The following ASTN2 variants were observed in gnomAD, a reference collection of about 807,000 sequenced individuals.
The protein encoded by ASTN2 is astrotactin-2.
A neutral mutation model predicts 139.8 loss-of-function variants in ASTN2; 54 were observed. The ratio of observed to expected loss-of-function variants is 0.39; its 90% CI spans 0.31 to 0.48. The LOEUF (loss-of-function observed/expected upper bound fraction) is 0.48, where lower values mean the gene tolerates loss of function less well. ASTN2 is among the 20% of genes least tolerant of loss of function. The pLI is 0.95. For synonymous variants in ASTN2, 756 were observed against 719.5 expected (o/e 1.05, Z -0.81); for missense variants, 1,565 against 1,725.1 (o/e 0.91, Z 1.64).
At chr9:117,271,519 A>T (rs1587897446) in intron 2 of ASTN2, among the ~76,000 whole-genome samples, 1 of 152,164 alleles carries the variant, frequency 6.6e-6, no homozygotes, top group South Asian at 2.1e-4. Flanking sequence ...AAAGTCTTAA[A>T]TCATTTCAGC....
rs1831256661 is a variant in ASTN2, at chr9:117,414,183, C to G, written c.442+314G>C. Among the ~76,000 whole-genome samples the G allele has an allele frequency of 6.6e-6, 1 of 152,050 alleles. No individual in the cohort carries two copies. The highest frequency in any genetic ancestry group is 1.5e-5 in the Non-Finnish European group (1 of 68,004). On this transcript the variant is annotated intron_variant, in intron 1 of 22. Transcript: ENST00000313400. This position sits in a 1 kb window ranked among gnomAD's most constrained non-coding sequence, Gnocchi z 4.2. Reference sequence around the variant, plus strand: ...GATGCTCCGGCCCCTAGCCAGAGCACCTTCAGTGAATGGGGTCTCCGGCTT... The same window carrying G: ...GATGCTCCGGCCCCTAGCCAGAGCAGCTTCAGTGAATGGGGTCTCCGGCTT...
rs955098652 is a variant in ASTN2 at position 116,641,134 on chromosome 9, T to G, written c.3072+10394A>C. Among the ~76,000 whole-genome samples the G allele has an allele frequency of 9.9e-5, 15 of 152,274 alleles. No homozygotes were observed. In the South Asian group the frequency reaches 2.3e-3, roughly 23 times the overall value. On this transcript the variant is annotated intron_variant, in intron 17 of 22. Coordinates refer to ENST00000313400, the MANE Select transcript of ASTN2 (RefSeq NM_001365068.1). ...AAATGAGAAGTTACTGTACTTTTAT[T>G]TTATGGTAGGAGCCAATCCTAGAAT...
intron 12 of ASTN2, among the ~76,000 whole-genome samples, chr9:116,813,353 C>A (rs547992383): frequency 6.6e-6 from 1 of 152,288 alleles, no homozygotes; most frequent in African/African-American, 2.4e-5. Flanking sequence ...ATTTAATCCT[C>A]ATAGCAACAT....
At chr9:116,495,797 TAGGGTG>T (rs1456168395) in intron 19 of ASTN2, among the ~76,000 whole-genome samples, 1 of 152,146 alleles carries the variant, frequency 6.6e-6, no homozygotes, top group Non-Finnish European at 1.5e-5. Flanking sequence ...AAACGCTGCC[TAGGGTG>T]AGGGATACAA....
intron 5 of ASTN2, among the ~76,000 whole-genome samples, chr9:117,079,564 A>G (rs1828370692): frequency 6.6e-6 from 1 of 152,208 alleles, no homozygotes; most frequent in African/African-American, 2.4e-5. Context: ...ATGGACAGAG[A>G]AAAAGGTCAG....
At position 116,668,438 on chromosome 9, in the gene ASTN2, C is replaced by T. The variant is rs538080425; in HGVS notation, c.2807-16645G>A. Among the ~76,000 whole-genome samples, 3 of 152,296 alleles carry T rather than the reference C, an allele frequency of 2.0e-5. No individual in the cohort carries two copies. In the East Asian group the frequency reaches 5.8e-4, roughly 29 times the overall value. On this transcript the variant is annotated intron_variant, in intron 16 of 22. Coordinates refer to ENST00000313400, the MANE Select transcript of ASTN2 (RefSeq NM_001365068.1). Reference sequence around the variant, plus strand: ...AACTCCTGACCTCAGGTGATCCACCCGCCTCGGCCTCCCAAAATGCTGGGA... The same window carrying T: ...AACTCCTGACCTCAGGTGATCCACCTGCCTCGGCCTCCCAAAATGCTGGGA...
chr9:117,130,036 G>T (rs943629511), intron 4 of ASTN2, among the ~76,000 whole-genome samples: 1 of 152,122 alleles, frequency 6.6e-6, no homozygotes, highest in African/African-American at 2.4e-5. Flanking sequence ...GCCAGGCATG[G>T]TGGCACACGC....
intron 16 of ASTN2, chr9:116,686,884 C>T (rs1356120911): frequency 2.0e-6 from 3 of 1,527,674 alleles, no homozygotes; most frequent in Non-Finnish European, 2.6e-6. Context: ...TAGGGAGTCC[C>T]GGTTCTCGAC....
intron 17 of ASTN2, among the ~76,000 whole-genome samples, chr9:116,639,024 G>A (rs1291336137): frequency 6.6e-6 from 1 of 152,216 alleles, no homozygotes; most frequent in African/African-American, 2.4e-5. Flanking sequence ...GCAGATGTGA[G>A]AGGAGGTAAC....
At chr9:117,072,380 C>A (rs879671060) in intron 5 of ASTN2, among the ~76,000 whole-genome samples, 25 of 152,294 alleles carry the variant, frequency 1.6e-4, no homozygotes, top group Middle Eastern at 3.4e-3. Flanking sequence ...AAAACAAATG[C>A]CTTCTGCCCA....
At chr9:116,681,805 G>A (rs1053877857) in intron 16 of ASTN2, among the ~76,000 whole-genome samples, 2 of 151,950 alleles carry the variant, frequency 1.3e-5, no homozygotes, top group Non-Finnish European at 2.9e-5. Flanking sequence ...ATGGTGCTGG[G>A]AAAACTGGCT....
In ASTN2 at chr9:116,976,441, T is replaced by C. The variant is rs374407384; in HGVS notation, c.1677-253A>G. 6.6e-5 allele frequency among the ~76,000 whole-genome samples: 10 copies of C among 152,350 alleles called. No individual in the cohort carries two copies. In the East Asian group the frequency reaches 1.9e-3, roughly 29 times the overall value. On this transcript the variant is annotated intron_variant, in intron 8 of 22. Coordinates refer to ENST00000313400, the MANE Select transcript of ASTN2 (RefSeq NM_001365068.1). ...TTCTTTGGCAGTCCACTTAAGAAAG[T>C]GTTCATTGATTACTTTGTTTGGACA... is the stretch of plus-strand genomic sequence containing the variant.
chr9:116,690,818 A>G (rs935044653), intron 16 of ASTN2, among the ~76,000 whole-genome samples: 3 of 152,228 alleles, frequency 2.0e-5, no homozygotes, highest in Non-Finnish European at 4.4e-5. Flanking sequence ...TTATGAGACT[A>G]TGAGAACATA....
intron 2 of ASTN2, among the ~76,000 whole-genome samples, chr9:117,237,368 G>T (rs1452984893): frequency 6.6e-6 from 1 of 152,140 alleles, no homozygotes; most frequent in Non-Finnish European, 1.5e-5. Flanking sequence ...ACCTCCCCAT[G>T]GTGGTAGCAA....
intron 11 of ASTN2, among the ~76,000 whole-genome samples, chr9:116,822,334 T>C (rs1831510058): frequency 6.6e-6 from 1 of 152,138 alleles, no homozygotes; most frequent in Non-Finnish European, 1.5e-5. Flanking sequence ...TAAATGGCCT[T>C]TGTCAAGCTG....
intron 3 of ASTN2, among the ~76,000 whole-genome samples, chr9:117,155,725 G>A (rs1057213888): frequency 3.9e-5 from 6 of 152,012 alleles, no homozygotes; most frequent in African/African-American, 1.4e-4. Flanking sequence ...TCCAGACATT[G>A]GACCTGAATT....
chr9:116,524,422 C>T (rs896580880), intron 19 of ASTN2, among the ~76,000 whole-genome samples: 5 of 152,054 alleles, frequency 3.3e-5, no homozygotes, highest in Non-Finnish European at 7.4e-5. Flanking sequence ...AGTTCCCTTC[C>T]GTGCAAAGGT....
At chr9:116,541,964 A>G (rs770331292) in intron 19 of ASTN2, among the ~76,000 whole-genome samples, 7 of 152,236 alleles carry the variant, frequency 4.6e-5, no homozygotes, top group Non-Finnish European at 1.0e-4. Context: ...CTATAATTCA[A>G]TATCACAGCC....
chr9:117,006,745 ACTT>A (rs1424487995), intron 7 of ASTN2, among the ~76,000 whole-genome samples: 4 of 151,898 alleles, frequency 2.6e-5, no homozygotes, highest in Admixed American at 6.6e-5. Context: ...ATGCCCCCAA[ACTT>A]CTTCTTCTCA....
Sources: gnomAD v4.1 joint callset for allele counts (sites outside exome capture counted in the v4.1 genomes callset) on GRCh38, gnomAD v4.1.1 for gene constraint, Gnocchi (gnomAD v3.1) non-coding constraint, MANE v1.5 for transcripts, NCBI Gene and HGNC (gene_info 2026-07-23, HGNC 2026-07-21) for gene names.